The following BIRC6 variants were observed in gnomAD, a reference collection of about 807,000 sequenced individuals.
The protein encoded by BIRC6 is baculoviral IAP repeat containing 6.
A neutral mutation model predicts 503.3 loss-of-function variants in BIRC6; 98 were observed. The observed-to-expected ratio is 0.19, with a 90% confidence interval of 0.17 to 0.23. The LOEUF (loss-of-function observed/expected upper bound fraction) is 0.23. Among genes scored for constraint, BIRC6 ranks in the 10% least tolerant of loss-of-function variants. The pLI is 1.00. For synonymous variants in BIRC6, 2,240 were observed against 2,078.7 expected (o/e 1.08, Z -2.11); for missense variants, 5,360 against 5,806.0 (o/e 0.92, Z 2.50).
rs750946603 is a variant in BIRC6, at chr2:32,611,436, C to T, written c.14260-12C>T. On this transcript the variant is annotated splice_polypyrimidine_tract_variant and intron_variant, in intron 72 of 73. Transcript: ENST00000421745. ...TAAACACTGCTTGTTCTCCTGTTTA[C>T]TTTTTCTCAAGGTAATACACAAACA... The T allele has an allele frequency of 6.3e-7, 1 of 1,591,912 alleles. No homozygotes were observed. The highest frequency in any genetic ancestry group is 1.1e-5 in the South Asian group (1 of 87,566).
At chr2:32,484,362 G>GC (rs1229472931) in intron 39 of BIRC6, among the ~76,000 whole-genome samples, 1 of 151,994 alleles carries the variant, frequency 6.6e-6, no homozygotes, top group Non-Finnish European at 1.5e-5. Context: ...GACCAGCCTG[G>GC]CCAACATGGT....
intron 16 of BIRC6, among the ~76,000 whole-genome samples, chr2:32,440,763 A>ATTC (rs999012721): frequency 2.0e-5 from 3 of 149,504 alleles, no homozygotes; most frequent in Non-Finnish European, 4.4e-5. Flanking sequence ...TATTATTATT[A>ATTC]TTATTATTAT....
intron 44 of BIRC6, 97 bp from the exon 45 acceptor site, chr2:32,493,443 T>C (rs1298419627): frequency 1.7e-6 from 2 of 1,187,498 alleles, no homozygotes; most frequent in East Asian, 2.4e-5. Context: ...AAAGTTACAG[T>C]GTATAGCTTT....
rs755251805 is a variant in BIRC6, at chr2:32,442,415, A to T, written c.4198A>T (p.Ile1400Leu). 2 of 1,610,494 alleles carry T rather than the reference A, an allele frequency of 1.2e-6. No homozygotes were observed. Among genetic ancestry groups the T allele is most frequent in the South Asian group, 2.2e-5 (2 of 90,334 alleles). ...TTGCTTCTTTGAGGCAGGACGAAGT[A>T]TAGCCCATAAGTGTGCCCGATTTCT... ...RVCFFEAGRS[I>L]AHKCARFLAL... Residue 1400 changes from isoleucine to leucine, a missense_variant, in exon 19 of 74, where the codon ATA (isoleucine) becomes TTA (leucine). Ile to Leu is a conservative substitution (Grantham distance 5, BLOSUM62 2). Coordinates refer to ENST00000421745, the MANE Select transcript of BIRC6 (RefSeq NM_016252.4).
At chr2:32,584,448 G>A (rs1422038443) in intron 66 of BIRC6, among the ~76,000 whole-genome samples, 2 of 152,184 alleles carry the variant, frequency 1.3e-5, no homozygotes, top group East Asian at 1.9e-4. Flanking sequence ...CAAGAGAATC[G>A]CTTCAACCGG....
chr2:32,527,937 A>G (rs2056410933), intron 59 of BIRC6: 1 of 152,306 alleles, frequency 6.6e-6, no homozygotes, highest in Non-Finnish European at 1.5e-5. Flanking sequence ...TTGAAGGATT[A>G]CGGCAGCGTG....
intron 26 of BIRC6, 72 bp downstream of exon 26, chr2:32,465,236 ATTC>A: frequency 2.5e-6 from 1 of 403,150 alleles, no homozygotes; most frequent in Non-Finnish European, 3.8e-6. Context: ...AAGACTCATT[ATTC>A]TTCAGTTCGA....
chr2:32,575,097 G>C lies in BIRC6; in HGVS notation c.13145-59G>C, dbSNP rs1034755060. On this transcript the variant is annotated intron_variant, in intron 65 of 73. Transcript: ENST00000421745. ...ATCCAGGTAAAAGCTACATTCCTGT[G>C]GACCTACTTTTATATTGTACATTTG... is the stretch of plus-strand genomic sequence containing the variant. The C allele has an allele frequency of 1.9e-5, 29 of 1,554,132 alleles. No homozygotes were observed. The African/African-American group carries it at 3.7e-4, about 20-fold the overall frequency.
At chr2:32,482,229 T>G (rs1020572541) in intron 38 of BIRC6, among the ~76,000 whole-genome samples, 200 bp from the exon 39 acceptor site, 1 of 152,264 alleles carries the variant, frequency 6.6e-6, no homozygotes, top group African/African-American at 2.4e-5. Flanking sequence ...ATATAAGGTA[T>G]TTTTAGATTT....
intron 34 of BIRC6, 55 bp from the exon 35 acceptor site, chr2:32,477,313 A>G: frequency 6.4e-7 from 1 of 1,560,944 alleles, no homozygotes; most frequent in Non-Finnish European, 8.7e-7. Context: ...ATCTATACTG[A>G]AAAAATTTTC....
At chr2:32,397,604 G>GTGTGTA (rs1412130234) in intron 6 of BIRC6, among the ~76,000 whole-genome samples, 1,981 of 111,892 alleles carry the variant, frequency 0.018, 98 homozygotes, top group Admixed American at 0.13. Flanking sequence ...GTGTGTGTGT[G>GTGTGTA]TATATATGTG....
At chr2:32,601,638 A>T (rs1232491191) in intron 70 of BIRC6, among the ~76,000 whole-genome samples, 1 of 152,188 alleles carries the variant, frequency 6.6e-6, no homozygotes, top group Non-Finnish European at 1.5e-5. Flanking sequence ...AAAATTATTA[A>T]ATTATTAAAA....
In BIRC6 at chr2:32,357,272, G is replaced by A. The variant is rs1221709330; in HGVS notation, c.111G>A (p.Ser37=). 2.0e-6 allele frequency: 3 copies of A among 1,516,876 alleles called. No homozygotes were observed. The East Asian group carries it at 7.9e-5, about 40-fold the overall frequency. 94.0% of individuals were successfully genotyped at this position (1,516,876 alleles called of 1,614,324 possible). ...TGGCGGCTGCGGCTGCGGCGGCCTCGGGCCCCGGCTGCTCCTCGGCGGCGG... is the reference window on the plus strand; with the variant it reads ...TGGCGGCTGCGGCTGCGGCGGCCTCAGGCCCCGGCTGCTCCTCGGCGGCGG... ...RKMAAAAAAA[S]GPGCSSAAGA... The change falls in exon 1 of 74, where the codon TCG becomes TCA. Residue 37 remains serine (S), a synonymous_variant. Coordinates refer to ENST00000421745, the MANE Select transcript of BIRC6 (RefSeq NM_016252.4). This position sits in a 1 kb window ranked among gnomAD's most constrained non-coding sequence, Gnocchi z 4.9.
intron 1 of BIRC6, among the ~76,000 whole-genome samples, chr2:32,370,556 G>C (rs574498133): frequency 9.2e-4 from 140 of 152,154 alleles, no homozygotes; most frequent in Non-Finnish European, 1.2e-3. Context: ...AGTGAGTTCT[G>C]CTTCATAGGA....
intron 59 of BIRC6, chr2:32,528,719 CTT>C (rs2056488466): frequency 6.6e-6 from 1 of 152,138 alleles, no homozygotes; most frequent in African/African-American, 2.4e-5. Flanking sequence ...AATGATGACT[CTT>C]GTTGACATGG....
At position 32,401,504 on chromosome 2, in the gene BIRC6, T is replaced by G; in HGVS notation, c.1299T>G (p.Ile433Met). 1 of 1,614,012 alleles carries G rather than the reference T, an allele frequency of 6.2e-7. No homozygotes were observed. The highest frequency in any genetic ancestry group is 1.1e-5 in the South Asian group (1 of 91,078). The change falls in exon 8 of 74, where the codon ATT (isoleucine) becomes ATG (methionine). Residue 433 changes from isoleucine (I) to methionine (M), a missense_variant. By Grantham distance (10) the Ile-to-Met change is conservative. Transcript: ENST00000421745. ...KFEINAYDPA[I>M]VQQLILSGDP... ...AAATTAATGCCTATGATCCAGCAAT[T>G]GTACAACAGCTTATTCTATCAGGAG... is the stretch of plus-strand genomic sequence containing the variant.
intron 55 of BIRC6, among the ~76,000 whole-genome samples, chr2:32,516,389 G>C (rs1267727189): frequency 6.6e-6 from 1 of 151,972 alleles, no homozygotes; most frequent in East Asian, 1.9e-4. Flanking sequence ...GGTGGCATGT[G>C]CCTGGAATCC....
intron 6 of BIRC6, among the ~76,000 whole-genome samples, chr2:32,396,953 C>A (rs2039966260): frequency 1.3e-5 from 2 of 152,038 alleles, no homozygotes; most frequent in South Asian, 4.1e-4. Context: ...GTCTCGAACT[C>A]CTGAGCTCAG....
chr2:32,453,956 T>C lies in BIRC6; in HGVS notation c.4753+14T>C. ...GGGATGATGCAAGTACGTTTACTGG[T>C]ATATACCTTCTTTTATTATATACTT... On this transcript the variant is annotated intron_variant, in intron 23 of 73. Coordinates refer to ENST00000421745, the MANE Select transcript of BIRC6 (RefSeq NM_016252.4). The C allele has an allele frequency of 6.3e-7, 1 of 1,598,640 alleles. No homozygotes were observed. Among genetic ancestry groups the C allele is most frequent in the Non-Finnish European group, 8.6e-7 (1 of 1,168,762 alleles).
Sources: allele counts gnomAD v4.1 joint callset (sites outside exome capture counted in the v4.1 genomes callset), GRCh38; gene constraint gnomAD v4.1.1; non-coding constraint Gnocchi (gnomAD v3.1); transcripts MANE v1.5; gene names NCBI Gene and HGNC (gene_info 2026-07-23, HGNC 2026-07-21).